B4GALNT3: variants seen among roughly 807,000 people sequenced by gnomAD.
B4GALNT3 encodes the protein beta-1,4-N-acetyl-galactosaminyltransferase 3, also known as beta-1,4-N-acetylgalactosaminyltransferase 3.
A neutral mutation model predicts 120.2 loss-of-function variants in B4GALNT3; 86 were observed. The observed-to-expected ratio is 0.72, with a 90% CI of 0.60 to 0.86. The LOEUF (loss-of-function observed/expected upper bound fraction) is 0.86. Ranked by LOEUF, B4GALNT3 falls within the 40% of genes least tolerant of loss-of-function variation. The pLI is 0.00. For synonymous variants in B4GALNT3, 518 were observed against 510.4 expected (o/e 1.01, Z -0.20); for missense variants, 1,167 against 1,298.9 (o/e 0.90, Z 1.56).
chr12:475,184 A>G lies in B4GALNT3; in HGVS notation c.169+14639A>G, dbSNP rs140819345. 1.8e-4 allele frequency among the ~76,000 whole-genome samples: 27 copies of G among 152,288 alleles called. 1 individual carries two copies. In the East Asian group the frequency reaches 5.0e-3, roughly 28 times the overall value. The stretch of plus-strand genomic sequence containing the variant: ...GTGAAGAAACGGTTACACTTTCCCC[A>G]GAAGTTTGCTCGTCTCCTGTATATT... On this transcript the variant is annotated intron_variant, in intron 1 of 19. Coordinates refer to ENST00000266383, the MANE Select transcript of B4GALNT3 (RefSeq NM_173593.4).
Position 550,691 on chromosome 12 carries a change from C to T in B4GALNT3, c.998-231C>T, listed in dbSNP as rs972043195. 2.0e-5 allele frequency among the ~76,000 whole-genome samples: 3 copies of T among 152,166 alleles called. No individual in the cohort carries two copies. Among genetic ancestry groups the T allele is most frequent in the Non-Finnish European group, 4.4e-5 (3 of 68,026 alleles). On this transcript the variant is annotated intron_variant, in intron 10 of 19. Coordinates refer to ENST00000266383, the MANE Select transcript of B4GALNT3 (RefSeq NM_173593.4). This position sits in a 1 kb window ranked among gnomAD's most constrained non-coding sequence, Gnocchi z 4.1. ...CCTGCACAGTGACTCTAAGATCAAA[C>T]GGTGCCTTGTACCTGGGGCTGTGTG... is the stretch of plus-strand genomic sequence containing the variant.
chr12:539,276 A>G (rs1235880981), intron 3 of B4GALNT3, among the ~76,000 whole-genome samples: 1 of 152,242 alleles, frequency 6.6e-6, no homozygotes, highest in African/African-American at 2.4e-5. Context: ...CAAGACGCTC[A>G]TTAACAAACC....
At chr12:519,382 C>A (rs928369388) in intron 1 of B4GALNT3, among the ~76,000 whole-genome samples, 1 of 152,148 alleles carries the variant, frequency 6.6e-6, no homozygotes. Context: ...CTTCTCTGTG[C>A]CTCAGTTGTC....
chr12:468,651 C>T (rs754030622), intron 1 of B4GALNT3, among the ~76,000 whole-genome samples: 8 of 152,224 alleles, frequency 5.3e-5, no homozygotes, highest in Non-Finnish European at 1.0e-4. Flanking sequence ...CCAGCAAGGA[C>T]ACCTCAACAT....
chr12:511,165 A>G (rs2120572949), intron 1 of B4GALNT3, among the ~76,000 whole-genome samples: 1 of 150,366 alleles, frequency 6.7e-6, no homozygotes, highest in Non-Finnish European at 1.5e-5. Context: ...GAGCAGCTGA[A>G]CTACAGGCGT....
Position 501,506 on chromosome 12 carries a change from A to G in B4GALNT3, c.170-33660A>G, listed in dbSNP as rs190184888. On this transcript the variant is annotated intron_variant, in intron 1 of 19. Transcript: ENST00000266383. ...TGAGGAGGGAAGATCACTTGAGCCC[A>G]GGAGTTCGAGGCTGCAGTGAACTAT... is the stretch of plus-strand genomic sequence containing the variant. 6.2e-3 allele frequency among the ~76,000 whole-genome samples: 938 copies of G among 152,252 alleles called. 16 individuals are homozygous for G. The highest frequency in any genetic ancestry group is 0.021 in the African/African-American group (858 of 41,554).
chr12:503,931 A>G (rs1248427477), intron 1 of B4GALNT3, among the ~76,000 whole-genome samples: 2 of 152,132 alleles, frequency 1.3e-5, no homozygotes, highest in African/African-American at 4.8e-5. Flanking sequence ...CCTGACCAAC[A>G]TGGTGAAACC....
intron 1 of B4GALNT3, among the ~76,000 whole-genome samples, chr12:502,332 C>T (rs1201668368): frequency 6.6e-6 from 1 of 152,162 alleles, no homozygotes; most frequent in Admixed American, 6.5e-5. Context: ...GAGCAACTGT[C>T]GTAGTTAAGC....
chr12:555,855 A>G (rs572782595), intron 14 of B4GALNT3, among the ~76,000 whole-genome samples: 11 of 151,004 alleles, frequency 7.3e-5, no homozygotes, highest in South Asian at 6.3e-4. Context: ...CGCGATCTCG[A>G]CTCATGCAAG....
intron 3 of B4GALNT3, among the ~76,000 whole-genome samples, chr12:536,892 C>G (rs1206207549): frequency 1.3e-5 from 2 of 152,174 alleles, no homozygotes; most frequent in East Asian, 3.8e-4. Context: ...AGATAAGCAT[C>G]CCAAACTGTC....
At chr12:468,368 A>T (rs1488849327) in intron 1 of B4GALNT3, among the ~76,000 whole-genome samples, 3 of 152,184 alleles carry the variant, frequency 2.0e-5, no homozygotes, top group Non-Finnish European at 4.4e-5. Flanking sequence ...GGGGGTCTTT[A>T]TTTAGGTACT....
At chr12:558,345 G>C (rs1489325309) in intron 17 of B4GALNT3, among the ~76,000 whole-genome samples, 163 bp from the exon 18 acceptor site, 1 of 152,174 alleles carries the variant, frequency 6.6e-6, no homozygotes, top group African/African-American at 2.4e-5. Context: ...GTTAAGACCT[G>C]TGCTCCAATG....
chr12:466,330 C>T (rs891862616), intron 1 of B4GALNT3, among the ~76,000 whole-genome samples: 1 of 152,136 alleles, frequency 6.6e-6, no homozygotes, highest in African/African-American at 2.4e-5. Flanking sequence ...GCAGAGTTTG[C>T]TTTGGAAGGG....
At chr12:467,525 C>G (rs952293031) in intron 1 of B4GALNT3, among the ~76,000 whole-genome samples, 3 of 152,164 alleles carry the variant, frequency 2.0e-5, no homozygotes, top group African/African-American at 7.2e-5. Flanking sequence ...CGCCACTGCA[C>G]TCCAGCCTGG....
intron 1 of B4GALNT3, among the ~76,000 whole-genome samples, chr12:466,752 T>A (rs1946084707): frequency 2.0e-5 from 3 of 152,366 alleles, no homozygotes; most frequent in Admixed American, 1.3e-4. Flanking sequence ...ATTCTTGTAA[T>A]ATTTTAGTAT....
intron 1 of B4GALNT3, among the ~76,000 whole-genome samples, chr12:512,474 A>ATCTT (rs1946595122): frequency 1.3e-5 from 1 of 76,758 alleles, no homozygotes; most frequent in East Asian, 4.2e-4. Context: ...CCTTCCGCCC[A>ATCTT]CCTTCCACCT....
At chr12:475,851 T>C (rs1946179636) in intron 1 of B4GALNT3, among the ~76,000 whole-genome samples, 1 of 152,190 alleles carries the variant, frequency 6.6e-6, no homozygotes, top group South Asian at 2.1e-4. Context: ...TAGGACAGTT[T>C]GCTTCACTCT....
In B4GALNT3 at chr12:550,403, C is replaced by T. The variant is rs555279522; in HGVS notation, c.997+491C>T. Among the ~76,000 whole-genome samples, 4 of 152,190 alleles carry T rather than the reference C, an allele frequency of 2.6e-5. No homozygotes were observed. The highest frequency in any genetic ancestry group is 4.8e-5 in the African/African-American group (2 of 41,512). On this transcript the variant is annotated intron_variant, in intron 10 of 19. Transcript: ENST00000266383. The surrounding 1 kb of genome is among the most constrained non-coding windows in gnomAD (Gnocchi z 4.1). ...CTTTGGGATGCTGAGGTGGGAGGAT[C>T]GCTTGAGCCCAGGAGGTTGAGGCTG...
At chr12:533,151 G>T (rs746499750) in intron 1 of B4GALNT3, among the ~76,000 whole-genome samples, 27 of 152,358 alleles carry the variant, frequency 1.8e-4, no homozygotes, top group Admixed American at 1.2e-3. Context: ...CTGCTAGCCA[G>T]CAGATCCTCA....
Sources: gnomAD v4.1 joint callset for allele counts (sites outside exome capture counted in the v4.1 genomes callset) on GRCh38, gnomAD v4.1.1 for gene constraint, Gnocchi (gnomAD v3.1) non-coding constraint, MANE v1.5 for transcripts, NCBI Gene and HGNC (gene_info 2026-07-23, HGNC 2026-07-21) for gene names.